Variants in ACTR2 observed in about 807,000 individuals in gnomAD.
The protein encoded by ACTR2 is actin-related protein 2.
ACTR2 carries 5 observed loss-of-function variants against 50.2 expected under a neutral mutation model. The observed-to-expected ratio is 0.10, with a 90% CI of 0.05 to 0.21. The LOEUF is 0.21. Ranked by LOEUF, ACTR2 falls within the 10% of genes least tolerant of loss-of-function variation. The pLI is 1.00. For missense variants in ACTR2, 180 were observed against 480.6 expected (o/e 0.37, Z 5.85); for synonymous variants, 140 against 162.9 (o/e 0.86, Z 1.07).
At chr2:65,236,733 A>T (rs1671748679) in intron 1 of ACTR2, among the ~76,000 whole-genome samples, 1 of 152,058 alleles carries the variant, frequency 6.6e-6, no homozygotes, top group Admixed American at 6.6e-5. Flanking sequence ...GGCATGCACC[A>T]CCATACCTGG....
chr2:65,260,661 C>T (rs758250367), intron 6 of ACTR2, among the ~76,000 whole-genome samples: 2 of 151,670 alleles, frequency 1.3e-5, no homozygotes, highest in African/African-American at 4.9e-5. Context: ...TGCTTTGCTG[C>T]AAACATCATG....
intron 1 of ACTR2, among the ~76,000 whole-genome samples, chr2:65,237,924 GC>G (rs1671770419): frequency 6.6e-6 from 1 of 152,128 alleles, no homozygotes; most frequent in Non-Finnish European, 1.5e-5. Flanking sequence ...GGCGGTGGAG[GC>G]CAAGCTTGCA....
At chr2:65,261,529 C>T (rs941690031) in intron 7 of ACTR2, 137 bp downstream of exon 7, 7 of 916,536 alleles carry the variant, frequency 7.6e-6, no homozygotes, top group African/African-American at 3.4e-5. Flanking sequence ...TTCAGACTTA[C>T]GGAAAGGTTG....
intron 4 of ACTR2, among the ~76,000 whole-genome samples, chr2:65,253,166 G>A (rs1672085218): frequency 6.6e-6 from 1 of 152,170 alleles, no homozygotes; most frequent in South Asian, 2.1e-4. Context: ...TCTGCTGGGT[G>A]TGGTGGCTCA....
At chr2:65,238,179 AT>A (rs1411821130) in intron 1 of ACTR2, among the ~76,000 whole-genome samples, 1 of 152,018 alleles carries the variant, frequency 6.6e-6, no homozygotes, top group Non-Finnish European at 1.5e-5. Context: ...AATTTTAAAT[AT>A]TTTTTAAATT....
intron 1 of ACTR2, among the ~76,000 whole-genome samples, chr2:65,229,997 A>G (rs1276738285): frequency 6.6e-6 from 1 of 152,194 alleles, no homozygotes; most frequent in Non-Finnish European, 1.5e-5. Flanking sequence ...CCTATGAGAC[A>G]GAGGATAAGG....
intron 8 of ACTR2, 179 bp downstream of exon 8, chr2:65,265,354 T>C: frequency 1.4e-6 from 1 of 719,080 alleles, no homozygotes; most frequent in Non-Finnish European, 2.3e-6. Flanking sequence ...TCTGGTCACC[T>C]CTATAGAGTT....
At chr2:65,253,886 T>G (rs544840778) in intron 5 of ACTR2, 22 bp downstream of exon 5, 3 of 1,596,166 alleles carry the variant, frequency 1.9e-6, no homozygotes, top group South Asian at 2.2e-5. Context: ...GAAAATATCA[T>G]GGAAATTAAA....
intron 2 of ACTR2, chr2:65,242,688 A>G (rs759102495): frequency 4.0e-6 from 2 of 505,076 alleles, no homozygotes; most frequent in Admixed American, 2.0e-5. Flanking sequence ...CCCCCCAAAC[A>G]TTGTACAGTG....
chr2:65,251,879 C>T (rs1195802220), intron 4 of ACTR2, among the ~76,000 whole-genome samples: 1 of 151,798 alleles, frequency 6.6e-6, no homozygotes, highest in African/African-American at 2.4e-5. Flanking sequence ...CCATTAGCAA[C>T]TGCCTCCCTC....
intron 8 of ACTR2, among the ~76,000 whole-genome samples, chr2:65,266,594 T>C (rs1672376514): frequency 1.3e-5 from 2 of 152,020 alleles, no homozygotes; most frequent in Admixed American, 1.3e-4. Context: ...TAGGATCTGA[T>C]GTATATTTTT....
intron 7 of ACTR2, among the ~76,000 whole-genome samples, chr2:65,264,793 A>C (rs1573170819): frequency 6.6e-6 from 1 of 152,260 alleles, no homozygotes; most frequent in African/African-American, 2.4e-5. Context: ...TCTCAGTTAT[A>C]TTCACAAAAA....
chr2:65,250,363 CA>C (rs1672021173), intron 3 of ACTR2, among the ~76,000 whole-genome samples: 1 of 141,638 alleles, frequency 7.1e-6, no homozygotes, highest in Non-Finnish European at 1.5e-5. Context: ...GACTCCGTCT[CA>C]AAAAAAGAAA....
chr2:65,245,579 CTT>C (rs1163852820), intron 2 of ACTR2, among the ~76,000 whole-genome samples: 3 of 152,124 alleles, frequency 2.0e-5, no homozygotes, highest in African/African-American at 7.2e-5. Context: ...ATAATTAAAA[CTT>C]AACGTATTGT....
chr2:65,247,008 G>A (rs1248956763), intron 3 of ACTR2, among the ~76,000 whole-genome samples: 1 of 151,980 alleles, frequency 6.6e-6, no homozygotes, highest in Non-Finnish European at 1.5e-5. Flanking sequence ...AGTTAATTAA[G>A]TTAATTAAGT....
At chr2:65,262,169 C>A (rs1169142610) in intron 7 of ACTR2, among the ~76,000 whole-genome samples, 1 of 152,150 alleles carries the variant, frequency 6.6e-6, no homozygotes, top group East Asian at 1.9e-4. Context: ...TATATTCTCA[C>A]ATTCTATAGG....
intron 4 of ACTR2, 108 bp from the exon 5 acceptor site, chr2:65,253,620 T>TTCTA: frequency 9.3e-7 from 1 of 1,078,054 alleles, no homozygotes; most frequent in Non-Finnish European, 1.4e-6. Flanking sequence ...AAATTCTGGC[T>TTCTA]TCTAGTTGGT....
Position 65,268,677 on chromosome 2 carries a change from A to G in ACTR2, c.1128A>G (p.Gln376=). ...AAGACAACTTTTGGATGACCCGACA[A>G]GAGTACCAAGAAAAGGGTGTCCGTG... ...KDKDNFWMTR[Q]EYQEKGVRVL... Residue 376 remains glutamine (Q), a synonymous_variant, in exon 9 of 9, where the codon CAA becomes CAG. Transcript: ENST00000260641. 6.2e-7 allele frequency: 1 copy of G among 1,613,998 alleles called. No homozygotes were observed. The highest frequency in any genetic ancestry group is 8.5e-7 in the Non-Finnish European group (1 of 1,179,936).
In ACTR2 at chr2:65,255,706, C is replaced by A; in HGVS notation, c.735+12C>A. On this transcript the variant is annotated intron_variant, in intron 6 of 8. Coordinates refer to ENST00000260641, the MANE Select transcript of ACTR2 (RefSeq NM_005722.4). ...TTGAATCTTATACAGTAAGTGTTTC[C>A]AGTGTATAATATATATGTGTTTTAA... 4 of 1,610,072 alleles carry A rather than the reference C, an allele frequency of 2.5e-6. No homozygotes were observed. The highest frequency in any genetic ancestry group is 1.7e-4 in the Middle Eastern group (1 of 6,036).
Sources: allele counts gnomAD v4.1 joint callset (sites outside exome capture counted in the v4.1 genomes callset), GRCh38; gene constraint gnomAD v4.1.1; transcripts MANE v1.5; gene names NCBI Gene and HGNC (gene_info 2026-07-23, HGNC 2026-07-21).